DPP6: variants seen among roughly 807,000 people sequenced by gnomAD.
DPP6 encodes A-type potassium channel modulatory protein DPP6.
In DPP6, 69 loss-of-function variants were observed where a neutral mutation model predicts 122.6. The observed-to-expected ratio is 0.56, with a 90% CI of 0.46 to 0.69. The LOEUF is 0.69. DPP6 is among the 30% of genes least tolerant of loss of function. The pLI, the probability that DPP6 is intolerant of heterozygous loss-of-function variation, is 0.00. For synonymous variants in DPP6, 418 were observed against 433.1 expected, an observed-to-expected ratio of 0.97 and a Z score of 0.43; for missense variants, 928 against 1,116.9, an observed-to-expected ratio of 0.83 and a Z score of 2.41.
the DPP6 span, among the ~76,000 whole-genome samples, chr7:153,764,404 G>A: frequency 4.0e-5 from 6 of 151,590 alleles, no homozygotes; most frequent in South Asian, 2.1e-4. Context: ...CTCTGCACTC[G>A]CCGGTCCTCC....
intron 1 of DPP6, among the ~76,000 whole-genome samples, chr7:154,158,368 G>A (rs1010183378): frequency 6.6e-6 from 1 of 150,832 alleles, no homozygotes; most frequent in Non-Finnish European, 1.5e-5. Context: ...CTGCATTCTG[G>A]GGGGTTTCCT....
the DPP6 span, among the ~76,000 whole-genome samples, chr7:153,851,439 A>C: frequency 2.0e-5 from 3 of 152,198 alleles, no homozygotes; most frequent in Non-Finnish European, 4.4e-5. Context: ...TGAATTTTTG[A>C]AATATTACTC....
At chr7:154,583,743 C>T (rs76952603) in intron 5 of DPP6, among the ~76,000 whole-genome samples, 1,630 of 152,298 alleles carry the variant, frequency 0.011, 15 homozygotes, top group Non-Finnish European at 0.016. Flanking sequence ...AAGGCTCCCG[C>T]ATCACATCTC....
intron 1 of DPP6, among the ~76,000 whole-genome samples, chr7:154,038,197 A>G (rs1361215858): frequency 6.7e-6 from 1 of 148,804 alleles, no homozygotes; most frequent in Non-Finnish European, 1.5e-5. Context: ...GCCCATCTCG[A>G]GTGTTCCAGG....
chr7:154,055,542 C>A (rs1308146155), intron 1 of DPP6: 1 of 151,416 alleles, frequency 6.6e-6, no homozygotes, highest in African/African-American at 2.4e-5. Flanking sequence ...CTAGAGTAAT[C>A]ATTTTGCTAC....
At chr7:153,885,622 A>C (rs1212912296), upstream of DPP6, among the ~76,000 whole-genome samples, 1 of 152,150 alleles carries the variant, frequency 6.6e-6, no homozygotes, top group Non-Finnish European at 1.5e-5. Context: ...TTTATAACCC[A>C]CGCATTTTAC....
At chr7:154,727,072 T>A (rs933976108) in intron 7 of DPP6, among the ~76,000 whole-genome samples, 2 of 151,658 alleles carry the variant, frequency 1.3e-5, no homozygotes, top group Non-Finnish European at 2.9e-5. Flanking sequence ...CATTTTCAGG[T>A]ATCTTTGTAA....
At chr7:153,982,037 T>G (rs28866550) in intron 1 of DPP6, among the ~76,000 whole-genome samples, 1 of 132,922 alleles carries the variant, frequency 7.5e-6, no homozygotes, top group African/African-American at 2.8e-5. Flanking sequence ...TTGCCCTTCT[T>G]GAGGAGTATC....
At chr7:154,108,766 C>T (rs1402907242) in intron 1 of DPP6, among the ~76,000 whole-genome samples, 1 of 152,168 alleles carries the variant, frequency 6.6e-6, no homozygotes, top group Non-Finnish European at 1.5e-5. Context: ...GGCTGGGGAG[C>T]CACTGGGGCG....
intron 5 of DPP6, among the ~76,000 whole-genome samples, chr7:154,635,740 G>A (rs767748296): frequency 6.6e-6 from 1 of 152,166 alleles, no homozygotes; most frequent in Non-Finnish European, 1.5e-5. Context: ...CTTGACCGGA[G>A]ATGGGGAACC....
At chr7:154,665,723 C>T (rs1003874155) in intron 6 of DPP6, among the ~76,000 whole-genome samples, 1 of 152,004 alleles carries the variant, frequency 6.6e-6, no homozygotes, top group African/African-American at 2.4e-5. Context: ...TGTATACTAA[C>T]CCATGGACAC....
chr7:153,861,447 A>G, the DPP6 span, among the ~76,000 whole-genome samples: 1 of 152,228 alleles, frequency 6.6e-6, no homozygotes, highest in African/African-American at 2.4e-5. Flanking sequence ...AAAGATGCAT[A>G]TGTTTCCAAA....
chr7:154,475,729 A>G (rs1822676159), intron 3 of DPP6: 1 of 152,508 alleles, frequency 6.6e-6, no homozygotes, highest in Admixed American at 6.5e-5. Context: ...AGATGTACCC[A>G]TCCCTCCACA....
chr7:153,754,874 T>C, the DPP6 span, among the ~76,000 whole-genome samples: 408 of 152,136 alleles, frequency 2.7e-3, 2 homozygotes, highest in African/African-American at 9.4e-3. Context: ...TCTTTCTCCA[T>C]AATTTCTATT....
At chr7:154,785,934 T>TC (rs1197977402) in intron 10 of DPP6, among the ~76,000 whole-genome samples, 1 of 152,212 alleles carries the variant, frequency 6.6e-6, no homozygotes, top group Non-Finnish European at 1.5e-5. Context: ...TCAAATCCTC[T>TC]CAGCTATTCT....
intron 12 of DPP6, among the ~76,000 whole-genome samples, chr7:154,800,836 T>C (rs974078265): frequency 2.0e-5 from 3 of 152,220 alleles, no homozygotes; most frequent in Non-Finnish European, 4.4e-5. Context: ...GTGAGATCAA[T>C]TGTATTCAAT....
chr7:154,837,182 T>C (rs1053876411), intron 16 of DPP6, among the ~76,000 whole-genome samples: 1 of 149,294 alleles, frequency 6.7e-6, no homozygotes. Context: ...CATACACAGA[T>C]GCATGCATGC....
chr7:154,065,896 C>A (rs1802682221), intron 1 of DPP6, among the ~76,000 whole-genome samples: 1 of 151,998 alleles, frequency 6.6e-6, no homozygotes, highest in South Asian at 2.1e-4. Context: ...GTTTTATCCT[C>A]CTAAGAAGCC....
chr7:153,999,185 C>G (rs1797577412), intron 1 of DPP6, among the ~76,000 whole-genome samples: 2 of 152,208 alleles, frequency 1.3e-5, no homozygotes, highest in African/African-American at 4.8e-5. Flanking sequence ...GTGGGACAAT[C>G]TTCTCGAGCA....
Sources: allele counts gnomAD v4.1 joint callset (sites outside exome capture counted in the v4.1 genomes callset), GRCh38; gene constraint gnomAD v4.1.1; transcripts MANE v1.5; gene names NCBI Gene and HGNC (gene_info 2026-07-23, HGNC 2026-07-21).